Variants in PIEZO2 observed in about 807,000 individuals in gnomAD.
The protein encoded by PIEZO2 is piezo type mechanosensitive ion channel component 2.
PIEZO2 carries 172 observed loss-of-function variants against 337.3 expected under a neutral mutation model. The ratio of observed to expected loss-of-function variants is 0.51; its 90% CI spans 0.45 to 0.58. The LOEUF (loss-of-function observed/expected upper bound fraction) is 0.58. Among genes scored for constraint, PIEZO2 ranks in the 20% least tolerant of loss-of-function variants. The probability of loss-of-function intolerance (pLI) is 0.00; values close to 1 mark genes in which losing one functional copy is unlikely to be tolerated. For missense variants in PIEZO2, 3,028 were observed against 3,391.3 expected, an observed-to-expected ratio of 0.89 and a Z score of 2.66; for synonymous variants, 1,251 against 1,228.5, an observed-to-expected ratio of 1.02 and a Z score of -0.38.
chr18:10,849,721 T>C (rs930777516), intron 7 of PIEZO2, among the ~76,000 whole-genome samples: 3 of 152,242 alleles, frequency 2.0e-5, no homozygotes, highest in African/African-American at 7.2e-5. Flanking sequence ...TCTTGCAAAC[T>C]GTAGTGTTTG....
rs868445088 is a variant in PIEZO2, at chr18:10,847,940, C to T, written c.917+7413G>A. Among the ~76,000 whole-genome samples, 19 of 152,150 alleles carry T rather than the reference C, an allele frequency of 1.2e-4. No homozygotes were observed. Among genetic ancestry groups the T allele is most frequent in the African/African-American group, 4.1e-4 (17 of 41,424 alleles). ...TTTGCATTCCTTAGCATTATAATAA[C>T]GTGCTTTACATTTGTTTTTCTCCAC... On this transcript the variant is annotated intron_variant, in intron 7 of 55. Transcript: ENST00000674853. This position sits in a 1 kb window ranked among gnomAD's most constrained non-coding sequence, Gnocchi z 5.7.
At chr18:10,914,962 C>T (rs568727572) in intron 3 of PIEZO2, among the ~76,000 whole-genome samples, 4 of 151,058 alleles carry the variant, frequency 2.6e-5, no homozygotes, top group Non-Finnish European at 4.4e-5. Context: ...AACCAGCCAT[C>T]GCTCCTTTAC....
Position 10,671,754 on chromosome 18 carries a change from C to T in PIEZO2, c.8371G>A (p.Val2791Ile). The T allele has an allele frequency of 6.2e-7, 1 of 1,613,362 alleles. No homozygotes were observed. Among genetic ancestry groups the T allele is most frequent in the Non-Finnish European group, 8.5e-7 (1 of 1,179,694 alleles). The change falls in exon 56 of 56, where the codon GTC (valine) becomes ATC (isoleucine). Residue 2791 changes from valine to isoleucine, a missense_variant. By Grantham distance (29) the Val-to-Ile change is conservative. Around this residue, in one of 5 missense-constraint regions of PIEZO2, gnomAD observed 332 missense variants for 363.8 expected, o/e 0.91. Transcript: ENST00000674853. ...YGIMGLYASVVLVIGKFVREF... is the reference protein window; with the variant it reads ...YGIMGLYASVILVIGKFVREF... ...CGGACAAATTTCCCAATCACAAGGA[C>T]AACTGAAGCATATAATCCCATAATA...
At chr18:10,921,759 A>G (rs180795739) in intron 3 of PIEZO2, among the ~76,000 whole-genome samples, 133 of 152,282 alleles carry the variant, frequency 8.7e-4, no homozygotes, top group African/African-American at 3.1e-3. Flanking sequence ...GAGAAATATC[A>G]CTGAATTCTT....
At position 10,748,893 on chromosome 18, in the gene PIEZO2, G is replaced by A. The variant is rs1283453328; in HGVS notation, c.4265-263C>T. The stretch of plus-strand genomic sequence containing the variant: ...GCCCTTTTTACGTGGGAGGCCTCTT[G>A]AGTATTTCTCTCTCTTAGGAAGAAA... On this transcript the variant is annotated intron_variant, in intron 29 of 55. Coordinates refer to ENST00000674853, the MANE Select transcript of PIEZO2 (RefSeq NM_001378183.1). This position sits in a 1 kb window ranked among gnomAD's most constrained non-coding sequence, Gnocchi z 5.1. Among the ~76,000 whole-genome samples the A allele has an allele frequency of 6.6e-6, 1 of 152,098 alleles. No homozygotes were observed. Among genetic ancestry groups the A allele is most frequent in the East Asian group, 1.9e-4 (1 of 5,186 alleles).
At chr18:10,990,652 G>GCCAAAGATATGTGCTCAATATATGTATTA (rs1382203873) in intron 2 of PIEZO2, among the ~76,000 whole-genome samples, 22 of 151,256 alleles carry the variant, frequency 1.5e-4, no homozygotes, top group African/African-American at 5.1e-4. Flanking sequence ...TTTACATAAT[G>GCCAAAGATATGTGCTCAATATATGTATTA]CCAAAGATAT....
Position 11,126,082 on chromosome 18 carries a change from C to T in PIEZO2, c.64+22443G>A, listed in dbSNP as rs2040173330. ...TGTACTTACCCTTAGACCTGCATTA[C>T]AAGTAGAACAGCGGGCAGTTCTGTC... is the stretch of plus-strand genomic sequence containing the variant. On this transcript the variant is annotated intron_variant, in intron 1 of 55. Coordinates refer to ENST00000674853, the MANE Select transcript of PIEZO2 (RefSeq NM_001378183.1). The surrounding 1 kb of genome is among the most constrained non-coding windows in gnomAD (Gnocchi z 4.6). Among the ~76,000 whole-genome samples, 1 of 152,178 alleles carries T rather than the reference C, an allele frequency of 6.6e-6. No homozygotes were observed. The highest frequency in any genetic ancestry group is 1.5e-5 in the Non-Finnish European group (1 of 68,046).
rs1303947214 is a variant in PIEZO2, at chr18:11,148,995, C to T, written c.-407G>A. Reference sequence around the variant, plus strand: ...AAGGGGGCAAGAAGGGCGTGCTGTGCTCCCGCCTGGCTCCCGGGGCGTCGT... The same window carrying T: ...AAGGGGGCAAGAAGGGCGTGCTGTGTTCCCGCCTGGCTCCCGGGGCGTCGT... On this transcript the variant is annotated 5_prime_UTR_variant, in exon 1 of 56. Transcript: ENST00000674853. This position sits in a 1 kb window ranked among gnomAD's most constrained non-coding sequence, Gnocchi z 5.2. Among the ~76,000 whole-genome samples the T allele has an allele frequency of 1.3e-5, 2 of 151,886 alleles. No individual in the cohort carries two copies. Among genetic ancestry groups the T allele is most frequent in the Admixed American group, 6.5e-5 (1 of 15,292 alleles).
At position 10,830,199 on chromosome 18, in the gene PIEZO2, G is replaced by A. The variant is rs1294012104; in HGVS notation, c.918-22925C>T. On this transcript the variant is annotated intron_variant, in intron 7 of 55. Transcript: ENST00000674853. This position sits in a 1 kb window ranked among gnomAD's most constrained non-coding sequence, Gnocchi z 4.7. ...AAGAACATACACATGGGAAAGGACAGTCTCTTCAATAAATGGTGCTGGGAA... is the reference window on the plus strand; with the variant it reads ...AAGAACATACACATGGGAAAGGACAATCTCTTCAATAAATGGTGCTGGGAA... 6.6e-6 allele frequency among the ~76,000 whole-genome samples: 1 copy of A among 152,168 alleles called. No homozygotes were observed. The highest frequency in any genetic ancestry group is 1.5e-5 in the Non-Finnish European group (1 of 68,014).
At position 10,895,257 on chromosome 18, in the gene PIEZO2, C is replaced by A. The variant is rs971018088; in HGVS notation, c.329+15929G>T. On this transcript the variant is annotated intron_variant, in intron 4 of 55. Transcript: ENST00000674853. This position sits in a 1 kb window ranked among gnomAD's most constrained non-coding sequence, Gnocchi z 4.8. ...GGTCAGGAGATCGAGACCAGCCTGG[C>A]CAACATGGTGAAACCCCATTTCTAC... is the stretch of plus-strand genomic sequence containing the variant. Among the ~76,000 whole-genome samples, 7 of 152,164 alleles carry A rather than the reference C, an allele frequency of 4.6e-5. No homozygotes were observed. The South Asian group carries it at 8.3e-4, about 18-fold the overall frequency.
chr18:10,834,586 A>T lies in PIEZO2; in HGVS notation c.917+20767T>A, dbSNP rs1173951130. 2.6e-5 allele frequency among the ~76,000 whole-genome samples: 4 copies of T among 152,190 alleles called. No homozygotes were observed. Among genetic ancestry groups the T allele is most frequent in the South Asian group, 2.1e-4 (1 of 4,828 alleles). On this transcript the variant is annotated intron_variant, in intron 7 of 55. Coordinates refer to ENST00000674853, the MANE Select transcript of PIEZO2 (RefSeq NM_001378183.1). The surrounding 1 kb of genome is among the most constrained non-coding windows in gnomAD (Gnocchi z 4.5). Reference sequence around the variant, plus strand: ...CCCTGCTGGGTGTCAGGCACTTGACACCCACAGCCTGTTTTAACACCTCTC... The same window carrying T: ...CCCTGCTGGGTGTCAGGCACTTGACTCCCACAGCCTGTTTTAACACCTCTC...
intron 2 of PIEZO2, among the ~76,000 whole-genome samples, chr18:11,023,729 C>G (rs2036411037): frequency 6.6e-6 from 1 of 152,212 alleles, no homozygotes; most frequent in Non-Finnish European, 1.5e-5. Context: ...TAGGGCCGCA[C>G]AGGAGCCCAC....
chr18:10,943,974 C>T lies in PIEZO2; in HGVS notation c.287-32746G>A, dbSNP rs993649258. ...CCATCCACGTATGATGTGACTTCCT[C>T]CTACTTGCCTTCTGCCGTAATTGTG... On this transcript the variant is annotated intron_variant, in intron 3 of 55. Coordinates refer to ENST00000674853, the MANE Select transcript of PIEZO2 (RefSeq NM_001378183.1). The surrounding 1 kb of genome is among the most constrained non-coding windows in gnomAD (Gnocchi z 4.5). Among the ~76,000 whole-genome samples the T allele has an allele frequency of 1.3e-5, 2 of 152,292 alleles. No homozygotes were observed. Among genetic ancestry groups the T allele is most frequent in the African/African-American group, 4.8e-5 (2 of 41,562 alleles).
chr18:10,855,256 A>C lies in PIEZO2; in HGVS notation c.917+97T>G, dbSNP rs191723950. The C allele has an allele frequency of 1.8e-6, 2 of 1,112,544 alleles. No individual in the cohort carries two copies. Among genetic ancestry groups the C allele is most frequent in the African/African-American group, 3.1e-5 (2 of 64,042 alleles). 68.9% of individuals were successfully genotyped at this position (1,112,544 alleles called of 1,614,324 possible). On this transcript the variant is annotated intron_variant, in intron 7 of 55. Coordinates refer to ENST00000674853, the MANE Select transcript of PIEZO2 (RefSeq NM_001378183.1). The surrounding 1 kb of genome is among the most constrained non-coding windows in gnomAD (Gnocchi z 4.9). ...TTGCTTAACACAGCAATTGCCTGCC[A>C]TCAAGAATAACCCCTGTAAATTCAC... is the stretch of plus-strand genomic sequence containing the variant.
At chr18:11,068,950 A>G (rs1555705281) in intron 1 of PIEZO2, among the ~76,000 whole-genome samples, 1 of 152,196 alleles carries the variant, frequency 6.6e-6, no homozygotes. Context: ...AGCAATATAC[A>G]ACCTACCATG....
chr18:11,001,994 A>T lies in PIEZO2; in HGVS notation c.161-22334T>A, dbSNP rs1368502481. On this transcript the variant is annotated intron_variant, in intron 2 of 55. Transcript: ENST00000674853. The surrounding 1 kb of genome is among the most constrained non-coding windows in gnomAD (Gnocchi z 5.3). The stretch of plus-strand genomic sequence containing the variant: ...GCCAAAACTTGCAGCAAAGTTGGAA[A>T]TTCTAGATCTTCTACCTGTAAGGGC... 6.6e-6 allele frequency among the ~76,000 whole-genome samples: 1 copy of T among 152,096 alleles called. No homozygotes were observed. Among genetic ancestry groups the T allele is most frequent in the Admixed American group, 6.5e-5 (1 of 15,276 alleles).
chr18:10,759,137 AACC>A lies in PIEZO2; in HGVS notation c.3757+342_3757+344del, dbSNP rs923645906. ...TTATTTATCTGCACTGGGAGCCAGA[AACC>A]ACCAAGTCAGAAAACACAAAAGCCT... On this transcript the variant is annotated intron_variant, in intron 26 of 55. Coordinates refer to ENST00000674853, the MANE Select transcript of PIEZO2 (RefSeq NM_001378183.1). This position sits in a 1 kb window ranked among gnomAD's most constrained non-coding sequence, Gnocchi z 5.5. Among the ~76,000 whole-genome samples the A allele has an allele frequency of 1.3e-5, 2 of 152,022 alleles. No homozygotes were observed. Among genetic ancestry groups the A allele is most frequent in the African/African-American group, 4.8e-5 (2 of 41,386 alleles).
rs2040451101 is a variant in PIEZO2 at position 10,819,235 on chromosome 18, G to C, written c.918-11961C>G. 6.6e-6 allele frequency among the ~76,000 whole-genome samples: 1 copy of C among 152,140 alleles called. No homozygotes were observed. The highest frequency in any genetic ancestry group is 6.6e-5 in the Admixed American group (1 of 15,264). On this transcript the variant is annotated intron_variant, in intron 7 of 55. Transcript: ENST00000674853. This position sits in a 1 kb window ranked among gnomAD's most constrained non-coding sequence, Gnocchi z 4.3. Reference sequence around the variant, plus strand: ...AACAGTGGATTTGGATAAAACTGGAGGCATTTGTATGATATACAGTTAAAT... The same window carrying C: ...AACAGTGGATTTGGATAAAACTGGACGCATTTGTATGATATACAGTTAAAT...
chr18:11,056,280 G>A (rs1435188406), intron 2 of PIEZO2, among the ~76,000 whole-genome samples: 1 of 152,160 alleles, frequency 6.6e-6, no homozygotes, highest in Non-Finnish European at 1.5e-5. Flanking sequence ...AATTCCCAGG[G>A]AGGGATTTTG....
Sources: allele counts gnomAD v4.1 joint callset (sites outside exome capture counted in the v4.1 genomes callset), GRCh38; gene constraint gnomAD v4.1.1; regional missense constraint gnomAD v4.1.1; non-coding constraint Gnocchi (gnomAD v3.1); transcripts MANE v1.5; gene names NCBI Gene and HGNC (gene_info 2026-07-23, HGNC 2026-07-21).